FGD4: variants seen among roughly 807,000 people sequenced by gnomAD.
The protein encoded by FGD4 is FYVE, RhoGEF and PH domain-containing protein 4.
A neutral mutation model predicts 102.0 loss-of-function variants in FGD4; 42 were observed. That is an observed-to-expected ratio of 0.41 (90% CI 0.32 to 0.53). The LOEUF is 0.53. Among genes scored for constraint, FGD4 ranks in the 20% least tolerant of loss-of-function variants. FGD4 has a pLI of 0.21. For missense variants in FGD4, 902 were observed against 1,078.2 expected, an observed-to-expected ratio of 0.84 and a Z score of 2.29; for synonymous variants, 380 against 375.7, an observed-to-expected ratio of 1.01 and a Z score of -0.13.
intron 7 of FGD4, among the ~76,000 whole-genome samples, chr12:32,604,807 A>G (rs1015291841): frequency 6.6e-6 from 1 of 152,190 alleles, no homozygotes; most frequent in African/African-American, 2.4e-5. Context: ...AATGCCACAG[A>G]TTCTCACCGT....
intron 14 of FGD4, among the ~76,000 whole-genome samples, chr12:32,632,098 C>T (rs1315125949): frequency 6.6e-6 from 1 of 152,058 alleles, no homozygotes; most frequent in Admixed American, 6.6e-5. Flanking sequence ...AAAAATTTGA[C>T]TAATATATTT....
intron 1 of FGD4, among the ~76,000 whole-genome samples, chr12:32,552,362 C>T (rs954591705): frequency 1.3e-5 from 2 of 151,784 alleles, no homozygotes; most frequent in Admixed American, 6.6e-5. Flanking sequence ...TAGGTTCAAG[C>T]GATTCTCCTG....
chr12:32,414,420 A>T (rs1278396895), intron 1 of FGD4, among the ~76,000 whole-genome samples: 1 of 152,200 alleles, frequency 6.6e-6, no homozygotes, highest in African/African-American at 2.4e-5. Context: ...CCTGTGAAGC[A>T]TTCATCCTTG....
intron 1 of FGD4, among the ~76,000 whole-genome samples, chr12:32,405,263 T>TTG (rs1239611639): frequency 2.1e-5 from 3 of 141,768 alleles, no homozygotes; most frequent in South Asian, 2.3e-4. Context: ...AGTCAGTGGT[T>TTG]TTTTTTTTTT....
chr12:32,436,242 C>A (rs779316076), intron 1 of FGD4, among the ~76,000 whole-genome samples: 1 of 152,156 alleles, frequency 6.6e-6, no homozygotes, highest in Non-Finnish European at 1.5e-5. Flanking sequence ...ATACAGCACA[C>A]ATAAATAATA....
intron 1 of FGD4, among the ~76,000 whole-genome samples, chr12:32,431,738 A>G (rs961081937): frequency 4.0e-5 from 6 of 151,316 alleles, no homozygotes; most frequent in African/African-American, 7.3e-5. Context: ...GTGCCACTGC[A>G]CTCCAGCCTG....
At chr12:32,569,161 A>G (rs1945438360) in intron 2 of FGD4, among the ~76,000 whole-genome samples, 1 of 152,156 alleles carries the variant, frequency 6.6e-6, no homozygotes, top group South Asian at 2.1e-4. Flanking sequence ...GAATCCAAGT[A>G]TCTCTCACTA....
intron 11 of FGD4, among the ~76,000 whole-genome samples, 166 bp from the exon 12 acceptor site, chr12:32,624,253 TAAG>T (rs1950014921): frequency 6.6e-6 from 1 of 152,212 alleles, no homozygotes; most frequent in African/African-American, 2.4e-5. Flanking sequence ...AACCTCTACT[TAAG>T]AAGAATTTTA....
intron 1 of FGD4, among the ~76,000 whole-genome samples, chr12:32,431,445 T>C (rs1942041156): frequency 6.6e-6 from 1 of 152,218 alleles, no homozygotes; most frequent in Admixed American, 6.5e-5. Context: ...TTCTCACTCC[T>C]TGTTTTGAGT....
intron 10 of FGD4, among the ~76,000 whole-genome samples, chr12:32,616,818 C>T (rs1995226): frequency 6.6e-6 from 1 of 152,070 alleles, no homozygotes. Context: ...TTAATGTAAG[C>T]CATTTCATGT....
intron 1 of FGD4, among the ~76,000 whole-genome samples, chr12:32,439,021 C>T (rs534703170): frequency 2.6e-4 from 39 of 152,286 alleles, no homozygotes; most frequent in African/African-American, 9.1e-4. Flanking sequence ...TTATAATTTA[C>T]TAATAATTAT....
intron 1 of FGD4, chr12:32,486,287 G>A: frequency 1.2e-6 from 1 of 867,556 alleles, no homozygotes; most frequent in Non-Finnish European, 1.7e-6. Flanking sequence ...GTACCACGAT[G>A]GAAAAATTAT....
chr12:32,486,482 T>C (rs1943904736), intron 1 of FGD4, among the ~76,000 whole-genome samples: 1 of 152,226 alleles, frequency 6.6e-6, no homozygotes, highest in Admixed American at 6.5e-5. Flanking sequence ...CCTTGTCATC[T>C]CAGTCTTTTT....
chr12:32,570,440 T>G (rs1945567057), intron 2 of FGD4, among the ~76,000 whole-genome samples: 1 of 151,982 alleles, frequency 6.6e-6, no homozygotes, highest in South Asian at 2.1e-4. Context: ...TTTATTTATT[T>G]ACTTATGTAT....
At chr12:32,447,685 C>G (rs1942660890) in intron 1 of FGD4, among the ~76,000 whole-genome samples, 1 of 152,228 alleles carries the variant, frequency 6.6e-6, no homozygotes, top group South Asian at 2.1e-4. Flanking sequence ...GGTCAGATCA[C>G]TTATGCTGAA....
At chr12:32,617,855 A>G (rs1592424192) in intron 10 of FGD4, among the ~76,000 whole-genome samples, 1 of 152,226 alleles carries the variant, frequency 6.6e-6, no homozygotes, top group Non-Finnish European at 1.5e-5. Flanking sequence ...TTTGTAAGCA[A>G]TGTTTTCTAT....
At chr12:32,516,256 G>A (rs1939866912) in intron 1 of FGD4, among the ~76,000 whole-genome samples, 1 of 152,114 alleles carries the variant, frequency 6.6e-6, no homozygotes, top group Non-Finnish European at 1.5e-5. Flanking sequence ...TCAGACTCCT[G>A]AGCATCTGAG....
intron 1 of FGD4, 50 bp downstream of exon 1, chr12:32,400,009 G>A (rs1940580800): frequency 7.1e-7 from 1 of 1,412,448 alleles, no homozygotes; most frequent in East Asian, 2.8e-5. Flanking sequence ...CGTAGGTGCG[G>A]GTGAGGGGCG....
rs1592514932 is a variant in FGD4, at chr12:32,640,266, T to C, written c.2455-10T>C. The stretch of plus-strand genomic sequence containing the variant: ...TCACCTGCTTTTAATGTCTGATGTC[T>C]TTTCTTTAGGACGTCAGAGCCCAGG... On this transcript the variant is annotated splice_polypyrimidine_tract_variant and intron_variant, in intron 16 of 16. Transcript: ENST00000534526. The C allele has an allele frequency of 6.2e-7, 1 of 1,614,224 alleles. No individual in the cohort carries two copies. The highest frequency in any genetic ancestry group is 8.5e-7 in the Non-Finnish European group (1 of 1,180,034).
Sources: gnomAD v4.1 joint callset for allele counts (sites outside exome capture counted in the v4.1 genomes callset) on GRCh38, gnomAD v4.1.1 for gene constraint, MANE v1.5 for transcripts, NCBI Gene and HGNC (gene_info 2026-07-23, HGNC 2026-07-21) for gene names.